SYNDIG1: variants seen among roughly 807,000 people sequenced by gnomAD.
SYNDIG1 encodes synapse differentiation-inducing gene protein 1.
In SYNDIG1, 9 loss-of-function variants were observed where a neutral mutation model predicts 19.4. The observed-to-expected ratio is 0.46, with a 90% CI of 0.28 to 0.81. SYNDIG1 has a LOEUF of 0.81. Ranked by LOEUF, SYNDIG1 falls within the 30% of genes least tolerant of loss-of-function variation. The pLI is 0.12. For synonymous variants in SYNDIG1, 141 were observed against 145.9 expected (o/e 0.97, Z 0.24); for missense variants, 311 against 343.3 (o/e 0.91, Z 0.74).
intron 3 of SYNDIG1, among the ~76,000 whole-genome samples, chr20:24,644,217 G>A (rs1485938589): frequency 1.3e-5 from 2 of 152,208 alleles, no homozygotes; most frequent in African/African-American, 4.8e-5. Context: ...CATGAAGCAA[G>A]GCTGTTGTGA....
At chr20:24,510,783 G>C (rs2056726147) in intron 1 of SYNDIG1, among the ~76,000 whole-genome samples, 1 of 152,098 alleles carries the variant, frequency 6.6e-6, no homozygotes, top group Non-Finnish European at 1.5e-5. Flanking sequence ...TGTTCTCTCA[G>C]TCTAGAATTC....
chr20:24,658,858 G>A lies in SYNDIG1; in HGVS notation c.619-6488G>A, dbSNP rs2059556267. Among the ~76,000 whole-genome samples, 1 of 152,114 alleles carries A rather than the reference G, an allele frequency of 6.6e-6. No individual in the cohort carries two copies. Among genetic ancestry groups the A allele is most frequent in the African/African-American group, 2.4e-5 (1 of 41,384 alleles). On this transcript the variant is annotated intron_variant, in intron 3 of 3. Coordinates refer to ENST00000376862, the MANE Select transcript of SYNDIG1 (RefSeq NM_024893.3). This position sits in a 1 kb window ranked among gnomAD's most constrained non-coding sequence, Gnocchi z 4.4. Reference sequence around the variant, plus strand: ...TGGGTGGCTGTTTACTTTTAAATTAGTTAAAATTAAATAATATTAAAATTC... The same window carrying A: ...TGGGTGGCTGTTTACTTTTAAATTAATTAAAATTAAATAATATTAAAATTC...
intron 1 of SYNDIG1, among the ~76,000 whole-genome samples, chr20:24,532,665 A>C (rs1384395549): frequency 6.6e-6 from 1 of 152,212 alleles, no homozygotes; most frequent in Non-Finnish European, 1.5e-5. Context: ...AAGTTAAAGA[A>C]AGCAACAGAG....
At chr20:24,645,017 T>C (rs937681361) in intron 3 of SYNDIG1, among the ~76,000 whole-genome samples, 2 of 152,228 alleles carry the variant, frequency 1.3e-5, no homozygotes, top group Non-Finnish European at 2.9e-5. Context: ...AGTGAAGCAA[T>C]GGGTTTGAAA....
At chr20:24,554,166 A>T (rs950876736) in intron 2 of SYNDIG1, among the ~76,000 whole-genome samples, 8 of 152,170 alleles carry the variant, frequency 5.3e-5, no homozygotes, top group African/African-American at 1.9e-4. Flanking sequence ...GTATCCTGAG[A>T]CTTTGCTGAA....
chr20:24,605,372 T>C (rs1021279559), intron 3 of SYNDIG1, among the ~76,000 whole-genome samples: 10 of 152,250 alleles, frequency 6.6e-5, no homozygotes, highest in Admixed American at 1.3e-4. Flanking sequence ...TTTTAACTTG[T>C]ATCAGGGAAA....
intron 3 of SYNDIG1, among the ~76,000 whole-genome samples, chr20:24,588,458 G>C (rs752881351): frequency 1.3e-5 from 2 of 152,220 alleles, no homozygotes; most frequent in African/African-American, 4.8e-5. Context: ...TTGCTTCCAG[G>C]ATGTGGTCCT....
chr20:24,570,610 T>G (rs559102733), intron 2 of SYNDIG1, among the ~76,000 whole-genome samples: 1 of 152,326 alleles, frequency 6.6e-6, no homozygotes, highest in South Asian at 2.1e-4. Context: ...TATATACCAC[T>G]GCACACCTCA....
chr20:24,486,450 A>C (rs1201148106), intron 1 of SYNDIG1, among the ~76,000 whole-genome samples: 9 of 152,338 alleles, frequency 5.9e-5, no homozygotes, highest in African/African-American at 2.2e-4. Flanking sequence ...TGAAGACCAA[A>C]AATTGAGTTT....
chr20:24,564,657 G>T (rs564837953), intron 2 of SYNDIG1, among the ~76,000 whole-genome samples: 1 of 152,200 alleles, frequency 6.6e-6, no homozygotes, highest in African/African-American at 2.4e-5. Flanking sequence ...CAAGCTCATC[G>T]ATCTTTAATG....
chr20:24,657,241 G>A (rs1387076900), intron 3 of SYNDIG1, among the ~76,000 whole-genome samples: 4 of 152,206 alleles, frequency 2.6e-5, no homozygotes, highest in South Asian at 2.1e-4. Flanking sequence ...GCAGCTGCCC[G>A]GTCCAGCAGC....
At chr20:24,482,658 A>C (rs1317595316) in intron 1 of SYNDIG1, among the ~76,000 whole-genome samples, 1 of 152,184 alleles carries the variant, frequency 6.6e-6, no homozygotes, top group Non-Finnish European at 1.5e-5. Context: ...AAAAAAACTA[A>C]ATGCCTGTCA....
intron 1 of SYNDIG1, among the ~76,000 whole-genome samples, chr20:24,511,227 T>G (rs2056735972): frequency 6.6e-6 from 1 of 152,236 alleles, no homozygotes; most frequent in South Asian, 2.1e-4. Context: ...ACACTTTAAC[T>G]GAAAACTGTC....
chr20:24,658,920 T>C lies in SYNDIG1; in HGVS notation c.619-6426T>C, dbSNP rs139139806. ...CACATGAGCCATGCCCCAAGTGCCA[T>C]GTAGACGCAGCAAGTGGCACAGCCG... On this transcript the variant is annotated intron_variant, in intron 3 of 3. Coordinates refer to ENST00000376862, the MANE Select transcript of SYNDIG1 (RefSeq NM_024893.3). This position sits in a 1 kb window ranked among gnomAD's most constrained non-coding sequence, Gnocchi z 4.4. 1.6e-3 allele frequency among the ~76,000 whole-genome samples: 242 copies of C among 152,266 alleles called. 4 individuals carry two copies. In the East Asian group the frequency reaches 0.042, roughly 27 times the overall value.
At chr20:24,566,836 G>A (rs983113718) in intron 2 of SYNDIG1, among the ~76,000 whole-genome samples, 7 of 152,334 alleles carry the variant, frequency 4.6e-5, no homozygotes, top group African/African-American at 1.7e-4. Context: ...GTTGGGGCGG[G>A]ACTGAGAGTC....
At chr20:24,587,265 G>A (rs760650194) in intron 3 of SYNDIG1, among the ~76,000 whole-genome samples, 4 of 152,324 alleles carry the variant, frequency 2.6e-5, no homozygotes, top group Admixed American at 6.5e-5. Flanking sequence ...CTTTGAGAAT[G>A]TATTTCCCTG....
At chr20:24,529,789 C>T (rs113024188) in intron 1 of SYNDIG1, among the ~76,000 whole-genome samples, 10 of 52,204 alleles carry the variant, frequency 1.9e-4, no homozygotes, top group East Asian at 6.1e-4. Context: ...GTGGTGGGGA[C>T]GGTGATAGTG....
chr20:24,533,843 C>T (rs569885691), intron 1 of SYNDIG1, among the ~76,000 whole-genome samples: 10 of 152,290 alleles, frequency 6.6e-5, no homozygotes, highest in Admixed American at 2.0e-4. Context: ...AGGGCACCCA[C>T]GGATTCAGCC....
chr20:24,471,999 T>TA (rs1193292447), intron 1 of SYNDIG1, among the ~76,000 whole-genome samples: 1 of 152,112 alleles, frequency 6.6e-6, no homozygotes, highest in Non-Finnish European at 1.5e-5. Context: ...TTCAAAAAAA[T>TA]AAAAAAACCA....
Sources: allele counts gnomAD v4.1 joint callset (sites outside exome capture counted in the v4.1 genomes callset), GRCh38; gene constraint gnomAD v4.1.1; non-coding constraint Gnocchi (gnomAD v3.1); transcripts MANE v1.5; gene names NCBI Gene and HGNC (gene_info 2026-07-23, HGNC 2026-07-21).